CAMK1D: variants seen among roughly 807,000 people sequenced by gnomAD.
CAMK1D encodes the protein calcium/calmodulin dependent protein kinase ID, also known as calcium/calmodulin-dependent protein kinase type 1D.
CAMK1D carries 9 observed loss-of-function variants against 47.7 expected under a neutral mutation model. That is an observed-to-expected ratio of 0.19 (90% CI 0.11 to 0.33). The LOEUF (loss-of-function observed/expected upper bound fraction) is 0.33, where lower values mean the gene tolerates loss of function less well. Ranked by LOEUF, CAMK1D falls within the 10% of genes least tolerant of loss-of-function variation. The pLI, the probability that CAMK1D is intolerant of heterozygous loss-of-function variation, is 1.00. For missense variants in CAMK1D, 291 were observed against 488.7 expected (o/e 0.60, Z 3.81); for synonymous variants, 184 against 184.9 (o/e 0.99, Z 0.04).
intron 1 of CAMK1D, among the ~76,000 whole-genome samples, chr10:12,467,617 T>C (rs921102878): frequency 6.6e-6 from 1 of 152,244 alleles, no homozygotes; most frequent in Admixed American, 6.5e-5. Flanking sequence ...TTATGCCAGG[T>C]CTACCTAGAA....
intron 1 of CAMK1D, among the ~76,000 whole-genome samples, chr10:12,396,353 C>T (rs148927882): frequency 3.2e-4 from 49 of 152,240 alleles, no homozygotes; most frequent in African/African-American, 1.0e-3. Flanking sequence ...ACTTGGGGAA[C>T]GGTTGCCAAA....
At chr10:12,515,946 A>G (rs2768408) in intron 1 of CAMK1D, among the ~76,000 whole-genome samples, 83,653 of 151,752 alleles carry the variant, frequency 0.55, 23,136 homozygotes, top group South Asian at 0.69. Flanking sequence ...TACTCTTAAC[A>G]GTATACAGCT....
chr10:12,589,253 A>G (rs58009330), intron 2 of CAMK1D, among the ~76,000 whole-genome samples: 2,239 of 152,256 alleles, frequency 0.015, 53 homozygotes, highest in African/African-American at 0.048. Context: ...AGTTCAAACA[A>G]TCTTCCCACC....
chr10:12,399,010 C>G (rs373774832), intron 1 of CAMK1D, among the ~76,000 whole-genome samples: 95 of 152,248 alleles, frequency 6.2e-4, no homozygotes, highest in African/African-American at 2.2e-3. Flanking sequence ...TTTATTCTGC[C>G]TGCATCACAG....
chr10:12,507,017 G>A (rs1173483333), intron 1 of CAMK1D, among the ~76,000 whole-genome samples: 1 of 152,196 alleles, frequency 6.6e-6, no homozygotes, highest in African/African-American at 2.4e-5. Flanking sequence ...CAAATTAACT[G>A]CACCAATTAA....
rs151264950 is a variant in CAMK1D at position 12,482,744 on chromosome 10, G to A, written c.93-70481G>A. Among the ~76,000 whole-genome samples the A allele has an allele frequency of 9.4e-4, 143 of 152,278 alleles. 4 individuals carry two copies. In the East Asian group the frequency reaches 0.025, roughly 27 times the overall value. On this transcript the variant is annotated intron_variant, in intron 1 of 10. Coordinates refer to ENST00000619168, the MANE Select transcript of CAMK1D (RefSeq NM_153498.4). ...TATGCACATGTAATTGCATTTAGTG[G>A]TAGCACCTGAAGATAGACTGCCAGG...
chr10:12,789,835 A>G (rs1837900166), intron 5 of CAMK1D, among the ~76,000 whole-genome samples: 1 of 152,214 alleles, frequency 6.6e-6, no homozygotes, highest in African/African-American at 2.4e-5. Flanking sequence ...ATTTGTCTCT[A>G]TCCTTAAAAA....
intron 1 of CAMK1D, among the ~76,000 whole-genome samples, chr10:12,387,676 G>A (rs1306456514): frequency 6.6e-6 from 1 of 150,650 alleles, no homozygotes. Flanking sequence ...GTTTGGTAGA[G>A]ATGGGTTCTC....
intron 1 of CAMK1D, among the ~76,000 whole-genome samples, chr10:12,360,250 C>T (rs532236446): frequency 3.5e-4 from 54 of 152,256 alleles, no homozygotes; most frequent in Middle Eastern, 6.8e-3. Flanking sequence ...CTAAAGGTAT[C>T]GTATTAAATA....
intron 6 of CAMK1D, among the ~76,000 whole-genome samples, chr10:12,801,313 C>T (rs921863731): frequency 7.2e-5 from 8 of 111,054 alleles, no homozygotes; most frequent in African/African-American, 3.0e-4. Context: ...ATCTATCTAT[C>T]TATCTATCTA....
At chr10:12,362,919 C>T (rs570003644) in intron 1 of CAMK1D, among the ~76,000 whole-genome samples, 6 of 150,858 alleles carry the variant, frequency 4.0e-5, no homozygotes, top group African/African-American at 1.2e-4. Context: ...GCTGGGATTA[C>T]AGGCGTGAGC....
intron 1 of CAMK1D, among the ~76,000 whole-genome samples, chr10:12,479,848 G>A (rs796857057): frequency 5.9e-5 from 9 of 152,316 alleles, no homozygotes; most frequent in African/African-American, 1.9e-4. Context: ...AGAACTTAAA[G>A]CAACAATAAA....
intron 1 of CAMK1D, among the ~76,000 whole-genome samples, chr10:12,417,092 C>T (rs1303103011): frequency 6.6e-6 from 1 of 152,152 alleles, no homozygotes; most frequent in African/African-American, 2.4e-5. Context: ...GGGACAGTGG[C>T]AGTACTTGTC....
At chr10:12,734,832 G>T (rs893144921) in intron 3 of CAMK1D, among the ~76,000 whole-genome samples, 1 of 152,130 alleles carries the variant, frequency 6.6e-6, no homozygotes. Context: ...CAGGCCTGCT[G>T]TTTGCAACAG....
chr10:12,725,095 G>T (rs1019611505), intron 3 of CAMK1D, among the ~76,000 whole-genome samples: 15 of 152,150 alleles, frequency 9.9e-5, no homozygotes, highest in Admixed American at 9.8e-4. Flanking sequence ...TGTGGACTGG[G>T]GGCAGCTGGA....
At chr10:12,362,654 T>C (rs527839535) in intron 1 of CAMK1D, among the ~76,000 whole-genome samples, 3 of 152,082 alleles carry the variant, frequency 2.0e-5, no homozygotes, top group South Asian at 4.2e-4. Context: ...CCCGCCATGA[T>C]GCCTGGCTAA....
At chr10:12,732,678 C>T (rs567216740) in intron 3 of CAMK1D, among the ~76,000 whole-genome samples, 8 of 149,234 alleles carry the variant, frequency 5.4e-5, no homozygotes, top group East Asian at 2.0e-4. Flanking sequence ...CCGCCCCCCC[C>T]GCCCCCTGTC....
intron 1 of CAMK1D, among the ~76,000 whole-genome samples, chr10:12,377,960 A>G (rs1838230866): frequency 6.6e-6 from 1 of 152,260 alleles, no homozygotes; most frequent in Non-Finnish European, 1.5e-5. Context: ...AGGTATTAGG[A>G]GCCAAGCTGT....
chr10:12,524,939 C>T (rs1331187611), intron 1 of CAMK1D, among the ~76,000 whole-genome samples: 1 of 152,032 alleles, frequency 6.6e-6, no homozygotes, highest in South Asian at 2.1e-4. Flanking sequence ...TTTTTTCTGT[C>T]TCTTTTTTCC....
Sources: gnomAD v4.1 joint callset for allele counts (sites outside exome capture counted in the v4.1 genomes callset) on GRCh38, gnomAD v4.1.1 for gene constraint, MANE v1.5 for transcripts, NCBI Gene and HGNC (gene_info 2026-07-23, HGNC 2026-07-21) for gene names.